Variants in ABLIM3 observed in about 807,000 individuals in gnomAD.
ABLIM3 encodes the protein actin-binding LIM protein 3.
In ABLIM3, 61 loss-of-function variants were observed where a neutral mutation model predicts 109.5. The ratio of observed to expected loss-of-function variants is 0.56; its 90% CI spans 0.45 to 0.69. The LOEUF is 0.69. Among genes scored for constraint, ABLIM3 ranks in the 30% least tolerant of loss-of-function variants. The pLI, the probability that ABLIM3 is intolerant of heterozygous loss-of-function variation, is 0.00. For missense variants in ABLIM3, 796 were observed against 889.5 expected, an observed-to-expected ratio of 0.89 and a Z score of 1.34; for synonymous variants, 300 against 324.8, an observed-to-expected ratio of 0.92 and a Z score of 0.82.
intron 3 of ABLIM3, among the ~76,000 whole-genome samples, chr5:149,188,034 T>A (rs1462223787): frequency 6.6e-6 from 1 of 152,122 alleles, no homozygotes; most frequent in Non-Finnish European, 1.5e-5. Flanking sequence ...AAAAAGAAAA[T>A]TTTATATTCT....
In ABLIM3 at chr5:149,212,559, T is replaced by A. The variant is rs1466749041; in HGVS notation, c.669+1740T>A. Among the ~76,000 whole-genome samples, 5 of 152,172 alleles carry A rather than the reference T, an allele frequency of 3.3e-5. No homozygotes were observed. In the East Asian group the frequency reaches 9.7e-4, roughly 29 times the overall value. On this transcript the variant is annotated intron_variant, in intron 7 of 23. Transcript: ENST00000309868. Reference sequence around the variant, plus strand: ...AAGGACTCAAGAGGTACAGTAGCAATGGAGAGGGAAGCCACCCTTGTGCCC... The same window carrying A: ...AAGGACTCAAGAGGTACAGTAGCAAAGGAGAGGGAAGCCACCCTTGTGCCC...
At chr5:149,177,953 G>T (rs1249011959) in intron 2 of ABLIM3, among the ~76,000 whole-genome samples, 1 of 152,144 alleles carries the variant, frequency 6.6e-6, no homozygotes, top group African/African-American at 2.4e-5. Context: ...TATGTAAATT[G>T]CTCAGGATCA....
intron 17 of ABLIM3, among the ~76,000 whole-genome samples, chr5:149,246,768 G>T (rs1753405420): frequency 2.0e-5 from 3 of 152,142 alleles, no homozygotes; most frequent in Admixed American, 6.5e-5. Flanking sequence ...TTCACTTCTG[G>T]GGCTTGCCTC....
At chr5:149,257,460 T>C (rs1344195648) in intron 23 of ABLIM3, among the ~76,000 whole-genome samples, 1 of 152,250 alleles carries the variant, frequency 6.6e-6, no homozygotes, top group Non-Finnish European at 1.5e-5. Flanking sequence ...GCAGTATATA[T>C]GCCATATATT....
intron 10 of ABLIM3, among the ~76,000 whole-genome samples, chr5:149,236,453 C>T (rs1011129826): frequency 6.6e-6 from 1 of 151,972 alleles, no homozygotes; most frequent in African/African-American, 2.4e-5. Context: ...CAGGACCTTG[C>T]AAGACAGATC....
At chr5:149,160,698 G>C (rs1754275711) in intron 2 of ABLIM3, among the ~76,000 whole-genome samples, 1 of 152,096 alleles carries the variant, frequency 6.6e-6, no homozygotes, top group Admixed American at 6.5e-5. Context: ...AGGGACTCAG[G>C]AAAGGCTTAG....
At chr5:149,147,912 G>A (rs1489693424) in intron 2 of ABLIM3, among the ~76,000 whole-genome samples, 1 of 152,144 alleles carries the variant, frequency 6.6e-6, no homozygotes, top group Non-Finnish European at 1.5e-5. Flanking sequence ...CTGGCATCAT[G>A]TCAGTGATGG....
intron 8 of ABLIM3, chr5:149,217,660 C>T (rs972609666): frequency 1.3e-5 from 2 of 152,866 alleles, no homozygotes; most frequent in Non-Finnish European, 2.9e-5. Context: ...GCCCAGCCCA[C>T]CATCCCAGGG....
intron 5 of ABLIM3, among the ~76,000 whole-genome samples, chr5:149,202,171 A>C (rs1758559529): frequency 6.6e-6 from 1 of 152,152 alleles, no homozygotes; most frequent in Non-Finnish European, 1.5e-5. Flanking sequence ...TGCTACACCT[A>C]TCACCTACTC....
At position 149,237,685 on chromosome 5, in the gene ABLIM3, A is replaced by T. The variant is rs150152582; in HGVS notation, c.1044+82A>T. On this transcript the variant is annotated intron_variant, in intron 11 of 23. Coordinates refer to ENST00000309868, the MANE Select transcript of ABLIM3 (RefSeq NM_014945.5). Reference sequence around the variant, plus strand: ...GTCCCCAGCCCTCTCCATCACAGACAGTTTGGCCTCCACAATGCTGGCTCC... The same window carrying T: ...GTCCCCAGCCCTCTCCATCACAGACTGTTTGGCCTCCACAATGCTGGCTCC... 6 of 1,557,566 alleles carry T rather than the reference A, an allele frequency of 3.9e-6. No homozygotes were observed. In the African/African-American group the frequency reaches 6.8e-5, roughly 18 times the overall value.
At chr5:149,170,288 C>CTG (rs1464350038) in intron 2 of ABLIM3, among the ~76,000 whole-genome samples, 7 of 149,600 alleles carry the variant, frequency 4.7e-5, no homozygotes, top group East Asian at 2.0e-4. Flanking sequence ...CTCTCTCTCT[C>CTG]TCCGTCTCTA....
chr5:149,233,572 G>A (rs562293848), intron 10 of ABLIM3, among the ~76,000 whole-genome samples: 42 of 152,306 alleles, frequency 2.8e-4, no homozygotes, highest in African/African-American at 9.9e-4. Context: ...TACAATGACA[G>A]CAAGAGCCCT....
chr5:149,147,081 C>T (rs1039887329), intron 2 of ABLIM3, among the ~76,000 whole-genome samples: 1 of 151,802 alleles, frequency 6.6e-6, no homozygotes, highest in Non-Finnish European at 1.5e-5. Context: ...CTCTCTCTCT[C>T]TCTCTCTCGC....
chr5:149,237,929 T>A (rs1752388800), intron 11 of ABLIM3, among the ~76,000 whole-genome samples: 1 of 152,186 alleles, frequency 6.6e-6, no homozygotes, highest in Non-Finnish European at 1.5e-5. Flanking sequence ...GCTAAGAGCC[T>A]GTGACCACTT....
chr5:149,168,748 A>G (rs1169241767), intron 2 of ABLIM3, among the ~76,000 whole-genome samples: 1 of 152,240 alleles, frequency 6.6e-6, no homozygotes, highest in African/African-American at 2.4e-5. Flanking sequence ...ATATTGGCAC[A>G]TGATATGGTG....
Position 149,207,084 on chromosome 5 carries a change from C to T in ABLIM3, c.525C>T (p.Cys175=). 6.2e-7 allele frequency: 1 copy of T among 1,614,078 alleles called. No homozygotes were observed. Among genetic ancestry groups the T allele is most frequent in the Non-Finnish European group, 8.5e-7 (1 of 1,179,990 alleles). ...TGGACAAGCAGTGGCACGTCAGCTGCTTCAAGTGCCAGACCTGCAGCGTCA... is the reference window on the plus strand; with the variant it reads ...TGGACAAGCAGTGGCACGTCAGCTGTTTCAAGTGCCAGACCTGCAGCGTCA... ...LALDKQWHVS[C]FKCQTCSVIL... The change falls in exon 6 of 24, where the codon TGC becomes TGT. Residue 175 remains cysteine (C), a synonymous_variant. Transcript: ENST00000309868.
At chr5:149,217,239 G>A (rs1280152826) in intron 8 of ABLIM3, 193 bp downstream of exon 8, 1 of 613,554 alleles carries the variant, frequency 1.6e-6, no homozygotes, top group Non-Finnish European at 2.9e-6. Flanking sequence ...AATATGAAGT[G>A]ACATGTAATC....
chr5:149,198,374 C>A lies in ABLIM3; in HGVS notation c.307C>A (p.Pro103Thr). The change falls in exon 4 of 24, where the codon CCC becomes ACC. Residue 103 changes from proline to threonine, a missense_variant. Coordinates refer to ENST00000309868, the MANE Select transcript of ABLIM3 (RefSeq NM_014945.5). This position sits in a 1 kb window ranked among gnomAD's most constrained non-coding sequence, Gnocchi z 4.2. ...CTCGGCCCTGGGCCGCACTTACCAC[C>A]CCAAGTGCTTCGTGTGCAGCTTGTG... ...VISALGRTYH[P>T]KCFVCSLCRK... 1 of 1,612,984 alleles carries A rather than the reference C, an allele frequency of 6.2e-7. No homozygotes were observed.
At position 149,197,542 on chromosome 5, in the gene ABLIM3, G is replaced by T. The variant is rs553711198; in HGVS notation, c.152-677G>T. On this transcript the variant is annotated intron_variant, in intron 3 of 23. Transcript: ENST00000309868. ...TCAGGGATTGTGTTTTATTCTTCCT[G>T]CCTGAGAATAGACACCCCCCACTCC... is the stretch of plus-strand genomic sequence containing the variant. Among the ~76,000 whole-genome samples, 3 of 152,154 alleles carry T rather than the reference G, an allele frequency of 2.0e-5. No individual in the cohort carries two copies. The East Asian group carries it at 5.8e-4, about 29-fold the overall frequency.
Sources: gnomAD v4.1 joint callset for allele counts (sites outside exome capture counted in the v4.1 genomes callset) on GRCh38, gnomAD v4.1.1 for gene constraint, Gnocchi (gnomAD v3.1) non-coding constraint, MANE v1.5 for transcripts, NCBI Gene and HGNC (gene_info 2026-07-23, HGNC 2026-07-21) for gene names.